The following SLAIN2 variants were observed in gnomAD, a reference collection of about 807,000 sequenced individuals.
SLAIN2 encodes the protein SLAIN family member 2.
A neutral mutation model predicts 56.6 loss-of-function variants in SLAIN2; 31 were observed. That is an observed-to-expected ratio of 0.55 (90% CI 0.41 to 0.74). The LOEUF (loss-of-function observed/expected upper bound fraction) is 0.74. SLAIN2 is among the 30% of genes least tolerant of loss of function. The pLI is 0.00. For synonymous variants in SLAIN2, 317 were observed against 284.9 expected (o/e 1.11, Z -1.13); for missense variants, 777 against 754.2 (o/e 1.03, Z -0.35).
In SLAIN2 at chr4:48,375,335, A is replaced by G. The variant is rs144806118; in HGVS notation, c.539-2561A>G. Among the ~76,000 whole-genome samples, 1,026 of 152,310 alleles carry G rather than the reference A, an allele frequency of 6.7e-3. 3 individuals are homozygous for G. Among genetic ancestry groups the G allele is most frequent in the Non-Finnish European group, 9.9e-3 (675 of 68,028 alleles). On this transcript the variant is annotated intron_variant, in intron 2 of 7. Coordinates refer to ENST00000264313, the MANE Select transcript of SLAIN2 (RefSeq NM_020846.2). ...ATCTTGTCTCATGGTGAATATGTAC[A>G]AAACTACATGGTCCAAATTACTGCA...
At chr4:48,409,127 A>G (rs1157575163) in intron 6 of SLAIN2, among the ~76,000 whole-genome samples, 5 of 152,196 alleles carry the variant, frequency 3.3e-5, no homozygotes, top group Non-Finnish European at 7.3e-5. Context: ...GCAATGTGAA[A>G]TAATAACATC....
rs1577703517 is a variant in SLAIN2 at position 48,341,933 on chromosome 4, G to C, written c.194G>C (p.Arg65Pro). The change falls in exon 1 of 8, where the codon CGG (arginine) becomes CCG (proline). Residue 65 changes from arginine to proline, a missense_variant. Physicochemically the swap from Arg to Pro is moderately radical, Grantham distance 103. Transcript: ENST00000264313. The part of the protein sequence containing the change: ...SIPSSGAASP[R>P]GFPLGLSAKS... ...CCCTCCTCCGGCGCGGCGTCTCCTC[G>C]GGGCTTCCCCTTGGGCCTCAGCGCC... 1.3e-6 allele frequency: 2 copies of C among 1,500,354 alleles called. No homozygotes were observed. The highest frequency in any genetic ancestry group is 2.5e-5 in the South Asian group (2 of 78,636). The allele number at this position is 1,500,354 out of a possible 1,614,324, so 92.9% of individuals were successfully genotyped here.
At chr4:48,343,218 C>T (rs1714773678) in intron 1 of SLAIN2, among the ~76,000 whole-genome samples, 2 of 152,174 alleles carry the variant, frequency 1.3e-5, no homozygotes, top group South Asian at 4.1e-4. Context: ...TTGCCACTTA[C>T]TAGCAGTATG....
chr4:48,401,021 T>C (rs1166435861), intron 6 of SLAIN2, among the ~76,000 whole-genome samples: 1 of 152,230 alleles, frequency 6.6e-6, no homozygotes, highest in Non-Finnish European at 1.5e-5. Context: ...AAAGAAAGTC[T>C]TGATTTTTGC....
intron 6 of SLAIN2, among the ~76,000 whole-genome samples, chr4:48,401,033 T>G (rs1248270336): frequency 6.6e-6 from 1 of 152,238 alleles, no homozygotes; most frequent in East Asian, 1.9e-4. Context: ...GATTTTTGCC[T>G]TAATTTCATT....
intron 7 of SLAIN2, 44 bp from the exon 8 acceptor site, chr4:48,421,966 TA>T: frequency 7.0e-7 from 1 of 1,424,080 alleles, no homozygotes; most frequent in Non-Finnish European, 9.8e-7. Flanking sequence ...TACTATTTCA[TA>T]AAGACATTTA....
intron 2 of SLAIN2, among the ~76,000 whole-genome samples, chr4:48,372,183 A>C (rs752418077): frequency 6.6e-6 from 1 of 152,150 alleles, no homozygotes; most frequent in East Asian, 1.9e-4. Flanking sequence ...AGAATCTGCT[A>C]TAATAGGCAT....
At chr4:48,363,986 C>T (rs1241265704) in intron 1 of SLAIN2, among the ~76,000 whole-genome samples, 8 of 124,900 alleles carry the variant, frequency 6.4e-5, no homozygotes, top group South Asian at 3.0e-4. Flanking sequence ...ACCCCCCCCA[C>T]CTCCCTCCCG....
intron 1 of SLAIN2, among the ~76,000 whole-genome samples, chr4:48,355,101 C>G (rs1185986600): frequency 1.3e-5 from 2 of 151,806 alleles, no homozygotes; most frequent in Non-Finnish European, 2.9e-5. Context: ...AGGCTGGTCT[C>G]TAATTCCTGA....
chr4:48,357,970 A>T (rs1415525226), intron 1 of SLAIN2, among the ~76,000 whole-genome samples: 1 of 152,200 alleles, frequency 6.6e-6, no homozygotes, highest in Non-Finnish European at 1.5e-5. Context: ...CAGTATTGGA[A>T]TTACAGGTGT....
chr4:48,412,390 ACACACACACACACACACAC>A (rs1292909479), intron 6 of SLAIN2, among the ~76,000 whole-genome samples: 4 of 72,476 alleles, frequency 5.5e-5, no homozygotes, highest in African/African-American at 1.6e-4. Context: ...ACACACACAC[ACACACACACACACACACAC>A]ACACACATTC....
At position 48,379,687 on chromosome 4, in the gene SLAIN2, A is replaced by C; in HGVS notation, c.704-3A>C. 1 of 1,400,452 alleles carries C rather than the reference A, an allele frequency of 7.1e-7. No homozygotes were observed. Among genetic ancestry groups the C allele is most frequent in the East Asian group, 2.7e-5 (1 of 37,276 alleles). The allele number at this position is 1,400,452 out of a possible 1,614,324, so 86.8% of individuals were successfully genotyped here. On this transcript the variant is annotated splice_region_variant and splice_polypyrimidine_tract_variant and intron_variant, in intron 3 of 7. Coordinates refer to ENST00000264313, the MANE Select transcript of SLAIN2 (RefSeq NM_020846.2). ...TGAATTTTTTTCTTTTTTTTTTTTT[A>C]AGGTAACTTGAAAAGCTCAGACAGA... is the stretch of plus-strand genomic sequence containing the variant.
chr4:48,348,771 A>G (rs78363976), intron 1 of SLAIN2, among the ~76,000 whole-genome samples: 5,613 of 152,000 alleles, frequency 0.037, 118 homozygotes, highest in Admixed American at 0.048. Context: ...CGGAAGCATC[A>G]TGAATGTTTT....
intron 3 of SLAIN2, 59 bp downstream of exon 3, chr4:48,378,119 C>A: frequency 6.7e-7 from 1 of 1,497,844 alleles, no homozygotes; most frequent in Non-Finnish European, 9.1e-7. Context: ...TGCACTGTAT[C>A]AGAAAATAAC....
rs77706337 is a variant in SLAIN2 at position 48,407,230 on chromosome 4, T to A, written c.1361-12895T>A. Among the ~76,000 whole-genome samples, 29 of 152,240 alleles carry A rather than the reference T, an allele frequency of 1.9e-4. No individual in the cohort carries two copies. The East Asian group carries it at 5.4e-3, about 28-fold the overall frequency. On this transcript the variant is annotated intron_variant, in intron 6 of 7. Transcript: ENST00000264313. ...TTTTCATTGTCTGTTTCTCTTACAT[T>A]ATGTATTGTGTATATTGACTCTTAT...
intron 6 of SLAIN2, among the ~76,000 whole-genome samples, chr4:48,402,974 G>A (rs374960010): frequency 6.6e-6 from 1 of 152,150 alleles, no homozygotes; most frequent in Non-Finnish European, 1.5e-5. Context: ...CCATAGGGCT[G>A]CTATGGTTTT....
At chr4:48,345,967 T>C (rs915188724) in intron 1 of SLAIN2, among the ~76,000 whole-genome samples, 1 of 132,866 alleles carries the variant, frequency 7.5e-6, no homozygotes, top group Non-Finnish European at 1.6e-5. Context: ...GTCAGGCCCA[T>C]ATAACATTTT....
intron 1 of SLAIN2, among the ~76,000 whole-genome samples, chr4:48,344,721 TAAG>T (rs970520869): frequency 8.5e-5 from 13 of 152,104 alleles, no homozygotes; most frequent in Non-Finnish European, 1.6e-4. Context: ...AGCTTCATGA[TAAG>T]AAATACATTT....
intron 6 of SLAIN2, among the ~76,000 whole-genome samples, chr4:48,395,810 C>CTTTCT (rs1716363516): frequency 1.4e-5 from 1 of 72,792 alleles, no homozygotes; most frequent in African/African-American, 6.8e-5. Context: ...GAACCTTAGG[C>CTTTCT]TTTTTTTTTT....
Sources: gnomAD v4.1 joint callset for allele counts (sites outside exome capture counted in the v4.1 genomes callset) on GRCh38, gnomAD v4.1.1 for gene constraint, MANE v1.5 for transcripts, NCBI Gene and HGNC (gene_info 2026-07-23, HGNC 2026-07-21) for gene names.